Variants in ARMH4 observed in about 807,000 individuals in gnomAD.
ARMH4 encodes the protein armadillo-like helical domain-containing protein 4.
A neutral mutation model predicts 61.9 loss-of-function variants in ARMH4; 49 were observed. The ratio of observed to expected loss-of-function variants is 0.79; its 90% CI spans 0.63 to 1.00. The LOEUF is 1.00. ARMH4 is among the 50% of genes least tolerant of loss of function. ARMH4 has a pLI of 0.00. For synonymous variants in ARMH4, 368 were observed against 341.5 expected (o/e 1.08, Z -0.85); for missense variants, 934 against 930.0 (o/e 1.00, Z -0.06).
At chr14:58,088,463 A>G (rs1885451071) in intron 5 of ARMH4, among the ~76,000 whole-genome samples, 1 of 152,076 alleles carries the variant, frequency 6.6e-6, no homozygotes, top group South Asian at 2.1e-4. Flanking sequence ...TGTGAAAAAA[A>G]AAAAAAGAGG....
intron 5 of ARMH4, among the ~76,000 whole-genome samples, chr14:58,045,383 G>A (rs866460675): frequency 6.6e-6 from 1 of 152,094 alleles, no homozygotes; most frequent in Admixed American, 6.5e-5. Flanking sequence ...AACATCACAT[G>A]TTCTCACTCA....
intron 4 of ARMH4, among the ~76,000 whole-genome samples, chr14:58,127,594 C>T (rs182480492): frequency 6.0e-4 from 91 of 152,238 alleles, no homozygotes; most frequent in African/African-American, 1.9e-3. Flanking sequence ...TGGGATTATA[C>T]GCAACACTCA....
intron 5 of ARMH4, among the ~76,000 whole-genome samples, chr14:58,049,708 A>AAAAAT (rs550057785): frequency 2.0e-5 from 3 of 152,166 alleles, no homozygotes; most frequent in East Asian, 1.9e-4. Flanking sequence ...TGTCACAAAA[A>AAAAAT]AAAATAAAAT....
intron 4 of ARMH4, among the ~76,000 whole-genome samples, chr14:58,130,077 CT>C (rs1887036635): frequency 6.6e-6 from 1 of 152,022 alleles, no homozygotes; most frequent in African/African-American, 2.4e-5. Context: ...TTTTTTTTCT[CT>C]GATTTAATGA....
chr14:58,130,517 A>ACT (rs1344202663), intron 4 of ARMH4, among the ~76,000 whole-genome samples: 1 of 152,224 alleles, frequency 6.6e-6, no homozygotes, highest in Non-Finnish European at 1.5e-5. Flanking sequence ...GAAATTCTGC[A>ACT]CTATAAATCT....
intron 5 of ARMH4, among the ~76,000 whole-genome samples, chr14:58,023,319 T>C (rs1594697623): frequency 6.6e-6 from 1 of 152,258 alleles, no homozygotes; most frequent in South Asian, 2.1e-4. Context: ...ATATTCTAAG[T>C]CCTTTGTTGT....
At chr14:58,086,864 G>C (rs4901846) in intron 5 of ARMH4, among the ~76,000 whole-genome samples, 63,124 of 151,926 alleles carry the variant, frequency 0.42, 13,486 homozygotes, top group Non-Finnish European at 0.47. Flanking sequence ...TCCAGGTGTA[G>C]ACACATGGAA....
At chr14:58,028,732 C>G (rs1030728423) in intron 5 of ARMH4, among the ~76,000 whole-genome samples, 1 of 152,172 alleles carries the variant, frequency 6.6e-6, no homozygotes, top group Non-Finnish European at 1.5e-5. Flanking sequence ...GTTGCCTCCA[C>G]AGACAACAAC....
chr14:58,078,182 C>A (rs1273775311), intron 5 of ARMH4, among the ~76,000 whole-genome samples: 2 of 152,204 alleles, frequency 1.3e-5, no homozygotes, highest in Admixed American at 6.5e-5. Context: ...AGGGCAAAAG[C>A]TTATGAGCTC....
rs567802204 is a variant in ARMH4, at chr14:58,130,984, G to A, written c.1831+528C>T. Among the ~76,000 whole-genome samples the A allele has an allele frequency of 9.8e-5, 15 of 152,292 alleles. 1 individual carries two copies. In the South Asian group the frequency reaches 3.1e-3, roughly 32 times the overall value. On this transcript the variant is annotated intron_variant, in intron 4 of 7. Coordinates refer to ENST00000267485, the MANE Select transcript of ARMH4 (RefSeq NM_001001872.4). Reference sequence around the variant, plus strand: ...CACCATCTTAATCTCAATCACTGGAGAGTGATTCAGGCACTGGGATGTTTC... The same window carrying A: ...CACCATCTTAATCTCAATCACTGGAAAGTGATTCAGGCACTGGGATGTTTC...
chr14:58,131,990 G>A (rs908311626), intron 3 of ARMH4, among the ~76,000 whole-genome samples: 12 of 151,992 alleles, frequency 7.9e-5, no homozygotes, highest in African/African-American at 2.7e-4. Context: ...TTATTCTATT[G>A]GCAATATTAT....
Position 58,133,156 on chromosome 14 carries a change from G to A in ARMH4, c.1555C>T (p.Pro519Ser). The A allele has an allele frequency of 6.2e-7, 1 of 1,614,110 alleles. No individual in the cohort carries two copies. Among genetic ancestry groups the A allele is most frequent in the Non-Finnish European group, 8.5e-7 (1 of 1,180,016 alleles). The change falls in exon 3 of 8, where the codon CCT (proline) becomes TCT (serine). Residue 519 changes from proline to serine, a missense_variant. Physicochemically the swap from Pro to Ser is moderately conservative, Grantham distance 74. Transcript: ENST00000267485. ...GTAGTTGAAATTGTAGTGGCCAGAG[G>A]CTCCCATCTTCTTGACAGCTGAGTA... ...GVTQLSRRWE[P>S]LATTISTTVV... is the part of the protein sequence containing the mutation.
intron 5 of ARMH4, among the ~76,000 whole-genome samples, chr14:58,094,135 G>T (rs142279455): frequency 6.6e-6 from 1 of 151,944 alleles, no homozygotes; most frequent in Non-Finnish European, 1.5e-5. Flanking sequence ...TTTGAGACCA[G>T]CCTAGCCAAT....
chr14:58,001,572 TTTTG>T lies in ARMH4; in HGVS notation c.*3160_*3163del, dbSNP rs1411501870. The stretch of plus-strand genomic sequence containing the variant: ...CACATCCTCAGAAACAATTGTTATA[TTTTG>T]TTTTATTGAATAATAGCCATCCCAA... On this transcript the variant is annotated 3_prime_UTR_variant, in exon 8 of 8. Coordinates refer to ENST00000267485, the MANE Select transcript of ARMH4 (RefSeq NM_001001872.4). 6.6e-6 allele frequency: 1 copy of T among 152,170 alleles called. No homozygotes were observed. The allele number at this position is 152,170 out of a possible 1,614,324, so 9.4% of individuals were successfully genotyped here.
At chr14:58,050,866 CT>C (rs1884114667) in intron 5 of ARMH4, among the ~76,000 whole-genome samples, 1 of 152,008 alleles carries the variant, frequency 6.6e-6, no homozygotes, top group East Asian at 1.9e-4. Context: ...ACCACCTGTT[CT>C]TGTTTGCCAG....
Position 58,130,089 on chromosome 14 carries a change from G to T in ARMH4, c.1831+1423C>A, listed in dbSNP as rs184002610. On this transcript the variant is annotated intron_variant, in intron 4 of 7. Transcript: ENST00000267485. ...ATATTTTTTTTCTCTGATTTAATGAGCCCTGCTGGGTAAAGCTGTCATGTC... is the reference window on the plus strand; with the variant it reads ...ATATTTTTTTTCTCTGATTTAATGATCCCTGCTGGGTAAAGCTGTCATGTC... Among the ~76,000 whole-genome samples the T allele has an allele frequency of 7.3e-3, 1,111 of 152,278 alleles. 38 individuals carry two copies. Among genetic ancestry groups the T allele is most frequent in the Admixed American group, 0.058 (888 of 15,292 alleles).
chr14:58,116,974 CAG>C (rs1241976383), intron 4 of ARMH4, among the ~76,000 whole-genome samples: 10 of 152,128 alleles, frequency 6.6e-5, no homozygotes, highest in Non-Finnish European at 7.4e-5. Context: ...ATTTTAGAGA[CAG>C]AGTTTCGCTC....
chr14:58,128,219 A>G (rs1886966624), intron 4 of ARMH4, among the ~76,000 whole-genome samples: 1 of 152,224 alleles, frequency 6.6e-6, no homozygotes, highest in African/African-American at 2.4e-5. Flanking sequence ...GAGTTAACCC[A>G]CATAAATTCC....
intron 1 of ARMH4, chr14:58,141,667 G>T: frequency 2.7e-6 from 1 of 364,340 alleles, no homozygotes; most frequent in Admixed American, 3.9e-5. Flanking sequence ...GGTCAAATAA[G>T]GCTCTTCCTT....
Sources: allele counts gnomAD v4.1 joint callset (sites outside exome capture counted in the v4.1 genomes callset), GRCh38; gene constraint gnomAD v4.1.1; transcripts MANE v1.5; gene names NCBI Gene and HGNC (gene_info 2026-07-23, HGNC 2026-07-21).